Variants in NLRP10 observed in about 807,000 individuals in gnomAD.
NLRP10 encodes NLR family pyrin domain containing 10.
A neutral mutation model predicts 8.2 loss-of-function variants in NLRP10; 7 were observed. The observed-to-expected ratio is 0.85, with a 90% CI of 0.48 to 1.60. The LOEUF is 1.60. NLRP10 is among the 40% of genes most tolerant of loss of function. NLRP10 has a pLI of 0.00. For missense variants in NLRP10, 814 were observed against 776.3 expected (o/e 1.05, Z -0.58); for synonymous variants, 338 against 314.0 (o/e 1.08, Z -0.81).
chr11:7,959,638 T>G lies in NLRP10; in HGVS notation c.*6A>C, dbSNP rs754020476. The stretch of plus-strand genomic sequence containing the variant: ...TCATAGAGATCTTGTACATATTTAA[T>G]TAGGTTTATATGTAAGTATTTTTTG... On this transcript the variant is annotated 3_prime_UTR_variant, in exon 3 of 3. Transcript: ENST00000691676. 1.5e-5 allele frequency: 21 copies of G among 1,376,174 alleles called. No individual in the cohort carries two copies. Among genetic ancestry groups the G allele is most frequent in the Non-Finnish European group, 8.0e-6 (8 of 999,102 alleles). The allele number at this position is 1,376,174 out of a possible 1,614,324, so 85.2% of individuals were successfully genotyped here.
In NLRP10 at chr11:7,961,309, T is replaced by A; in HGVS notation, c.303A>T (p.Val101=). The change falls in exon 3 of 3, where the codon GTA becomes GTT. Residue 101 remains valine, a synonymous_variant. Coordinates refer to ENST00000691676, the MANE Select transcript of NLRP10 (RefSeq NM_001391958.1). The stretch of plus-strand genomic sequence containing the variant: ...CTAGGCAGCGCACATGCTCTCGGTA[T>A]ACTTCTCTGTAATCTGAGCCAAACA... ...SHICLHDYRE[V]YREHVRCLEE... 6.4e-7 allele frequency: 1 copy of A among 1,561,986 alleles called. No individual in the cohort carries two copies. Among genetic ancestry groups the A allele is most frequent in the Non-Finnish European group, 8.7e-7 (1 of 1,153,062 alleles).
intron 2 of NLRP10, 47 bp downstream of exon 2, chr11:7,963,160 G>T (rs116024859): frequency 3.2e-6 from 5 of 1,562,548 alleles, no homozygotes; most frequent in South Asian, 1.2e-5. Flanking sequence ...GGTGGGAGGG[G>T]AGTCCCAGTG....
In NLRP10 at chr11:7,961,224, G is replaced by T. The variant is rs1295751833; in HGVS notation, c.388C>A (p.Pro130Thr). 2.5e-6 allele frequency: 4 copies of T among 1,613,434 alleles called. No homozygotes were observed. The highest frequency in any genetic ancestry group is 2.5e-6 in the Non-Finnish European group (3 of 1,179,742). ...AGTGATTCTGGGCTCTCTGAGCTGG[G>T]CTTGGCCACCAGGAGCACCTGGTTG... ...RYNQVLLVAK[P>T]SSESPESLAC... is the part of the protein sequence containing the mutation. The change falls in exon 3 of 3, where the codon CCC (proline) becomes ACC (threonine). Residue 130 changes from proline (P) to threonine (T), a missense_variant. Coordinates refer to ENST00000691676, the MANE Select transcript of NLRP10 (RefSeq NM_001391958.1).
rs760551628 is a variant in NLRP10, at chr11:7,959,909, T to C, written c.1703A>G (p.Tyr568Cys). 13 of 1,614,022 alleles carry C rather than the reference T, an allele frequency of 8.1e-6. No individual in the cohort carries two copies. Among genetic ancestry groups the C allele is most frequent in the African/African-American group, 2.7e-5 (2 of 74,936 alleles). Residue 568 changes from tyrosine to cysteine, a missense_variant, in exon 3 of 3, where the codon TAT (tyrosine) becomes TGT (cysteine). Coordinates refer to ENST00000691676, the MANE Select transcript of NLRP10 (RefSeq NM_001391958.1). ...TACCAGATTCTTTATTTTAGCTTCA[T>C]ACAGGGAGAATTCCAAATCCCAGGT... Reference protein sequence around the residue: ...NRTWDLEFSLYEAKIKNLVKG... With the variant: ...NRTWDLEFSLCEAKIKNLVKG...
At chr11:7,963,706 CT>C in intron 1 of NLRP10, 166 bp from the exon 2 acceptor site, 1 of 579,652 alleles carries the variant, frequency 1.7e-6, no homozygotes, top group Middle Eastern at 4.5e-4. Flanking sequence ...AGTCATTCCC[CT>C]CTGCCTCTTA....
chr11:7,959,675 G>C lies in NLRP10; in HGVS notation c.1937C>G (p.Thr646Arg). The C allele has an allele frequency of 1.9e-6, 3 of 1,583,396 alleles. No individual in the cohort carries two copies. Among genetic ancestry groups the C allele is most frequent in the Non-Finnish European group, 2.6e-6 (3 of 1,170,502 alleles). ...GTAAGTATTTTTTGGTGTTTCCTCT[G>C]TCCCTCTGCCTTTTCCAGTAGAAGC... Reference protein sequence around the residue: ...KEASTGKGRGTEETPKNTYI With the variant: ...KEASTGKGRGREETPKNTYI Residue 646 changes from threonine (T) to arginine (R), a missense_variant, in exon 3 of 3, where the codon ACA becomes AGA. By Grantham distance (71) the Thr-to-Arg change is moderately conservative. Coordinates refer to ENST00000691676, the MANE Select transcript of NLRP10 (RefSeq NM_001391958.1).
In NLRP10 at chr11:7,963,461, G is replaced by A; in HGVS notation, c.35C>T (p.Ala12Val). 6.2e-7 allele frequency: 1 copy of A among 1,613,508 alleles called. No individual in the cohort carries two copies. The highest frequency in any genetic ancestry group is 8.5e-7 in the Non-Finnish European group (1 of 1,179,634). ...AAGGTCACTCAAGGCCCAGAGCAAT[G>A]CCTCCCGGGGCTTTCTGGCCTTGGC... ...AMAKARKPRE[A>V]LLWALSDLEE... is the part of the protein sequence containing the mutation. Residue 12 changes from alanine to valine, a missense_variant, in exon 2 of 3, where the codon GCA becomes GTA. By Grantham distance (64) the Ala-to-Val change is moderately conservative. Coordinates refer to ENST00000691676, the MANE Select transcript of NLRP10 (RefSeq NM_001391958.1).
intron 2 of NLRP10, among the ~76,000 whole-genome samples, chr11:7,962,522 C>T (rs986402884): frequency 6.6e-6 from 1 of 152,008 alleles, no homozygotes; most frequent in Non-Finnish European, 1.5e-5. Context: ...AGGCGTGAGC[C>T]ACTGCGCCCA....
rs767164554 is a variant in NLRP10, at chr11:7,960,364, T to C, written c.1248A>G (p.Leu416=). 1.2e-6 allele frequency: 2 copies of C among 1,614,058 alleles called. No individual in the cohort carries two copies. Among genetic ancestry groups the C allele is most frequent in the South Asian group, 2.2e-5 (2 of 91,076 alleles). ...TCTGGTGCTGAATCCCTTCAGCTGC[T>C]AGGGAGCACAGACTCCTCAGGACCC... ...RHRVLRSLCS[L]AAEGIQHQRF... is the part of the protein sequence containing the mutation. The change falls in exon 3 of 3, where the codon CTA becomes CTG. Residue 416 remains leucine, a synonymous_variant. Transcript: ENST00000691676.
intron 1 of NLRP10, among the ~76,000 whole-genome samples, chr11:7,964,132 G>T (rs543214975): frequency 6.6e-6 from 1 of 152,170 alleles, no homozygotes; most frequent in Non-Finnish European, 1.5e-5. Context: ...ATACGGGCCC[G>T]GCTAGACTCG....
At chr11:7,962,384 C>T (rs571678453) in intron 2 of NLRP10, among the ~76,000 whole-genome samples, 17 of 151,896 alleles carry the variant, frequency 1.1e-4, no homozygotes, top group Admixed American at 8.5e-4. Context: ...CACAGGCGCA[C>T]GCCACCATGC....
chr11:7,958,352 G>A lies in NLRP10; in HGVS notation c.*1292C>T, dbSNP rs757845424. ...TGCATTCTGACCAGCAATGAATAAG[G>A]CTCCCACTACTCCACATCCTAACAA... On this transcript the variant is annotated 3_prime_UTR_variant, in exon 3 of 3. Coordinates refer to ENST00000691676, the MANE Select transcript of NLRP10 (RefSeq NM_001391958.1). Among the ~76,000 whole-genome samples the A allele has an allele frequency of 6.6e-6, 1 of 152,118 alleles. No individual in the cohort carries two copies. Among genetic ancestry groups the A allele is most frequent in the African/African-American group, 2.4e-5 (1 of 41,418 alleles).
In NLRP10 at chr11:7,960,491, A is replaced by T. The variant is rs1564877692; in HGVS notation, c.1121T>A (p.Val374Asp). 1 of 1,614,100 alleles carries T rather than the reference A, an allele frequency of 6.2e-7. No individual in the cohort carries two copies. Among genetic ancestry groups the T allele is most frequent in the African/African-American group, 1.3e-5 (1 of 74,990 alleles). Residue 374 changes from valine (V) to aspartate (D), a missense_variant, in exon 3 of 3, where the codon GTC becomes GAC. Transcript: ENST00000691676. ...AGTGCTGTTTCTAGGTGTCTCTAAG[A>T]CAACTTTGCCTCTCTCCATCTGCCC... is the stretch of plus-strand genomic sequence containing the variant. ...LQGQMERGKV[V>D]LETPRNSTDI... is the part of the protein sequence containing the mutation.
At position 7,958,738 on chromosome 11, in the gene NLRP10, C is replaced by T. The variant is rs566053857; in HGVS notation, c.*906G>A. 5.3e-5 allele frequency among the ~76,000 whole-genome samples: 8 copies of T among 152,244 alleles called. No individual in the cohort carries two copies. Among genetic ancestry groups the T allele is most frequent in the African/African-American group, 1.9e-4 (8 of 41,540 alleles). ...CTAACTTTCGTATTTTTAGTAAAGA[C>T]GGGGTTTCACCACATTGGCCAGGAT... On this transcript the variant is annotated 3_prime_UTR_variant, in exon 3 of 3. Transcript: ENST00000691676.
Position 7,960,099 on chromosome 11 carries a change from C to T in NLRP10, c.1513G>A (p.Glu505Lys), listed in dbSNP as rs1160746967. Residue 505 changes from glutamate (E) to lysine (K), a missense_variant, in exon 3 of 3, where the codon GAA becomes AAA. Transcript: ENST00000691676. ...VQRLLEVKEQ[E>K]GNDEMTLTMQ... Reference sequence around the variant, plus strand: ...GTGAGGGTCATCTCATCATTCCCTTCCTGCTCCTTTACCTCCAGCAGCCTT... The same window carrying T: ...GTGAGGGTCATCTCATCATTCCCTTTCTGCTCCTTTACCTCCAGCAGCCTT... The T allele has an allele frequency of 1.2e-6, 2 of 1,614,144 alleles. No homozygotes were observed. The highest frequency in any genetic ancestry group is 2.7e-5 in the African/African-American group (2 of 75,022).
Position 7,960,773 on chromosome 11 carries a change from C to T in NLRP10, c.839G>A (p.Arg280Lys), listed in dbSNP as rs1941706324. 6.2e-7 allele frequency: 1 copy of T among 1,613,968 alleles called. No individual in the cohort carries two copies. Among genetic ancestry groups the T allele is most frequent in the Non-Finnish European group, 8.5e-7 (1 of 1,180,032 alleles). ...KESLLHLLIRRHTLPTCSLLI... is the reference protein window; with the variant it reads ...KESLLHLLIRKHTLPTCSLLI... ...AAGGGAGCACGTGGGGAGTGTATGT[C>T]TCCTAATTAGAAGGTGCAGCAGGCT... Residue 280 changes from arginine (R) to lysine (K), a missense_variant, in exon 3 of 3, where the codon AGA becomes AAA. Transcript: ENST00000691676.
rs1459200710 is a variant in NLRP10, at chr11:7,960,950, T to C, written c.662A>G (p.Gln221Arg). 6.2e-7 allele frequency: 1 copy of C among 1,614,106 alleles called. No homozygotes were observed. Among genetic ancestry groups the C allele is most frequent in the Non-Finnish European group, 8.5e-7 (1 of 1,180,040 alleles). The change falls in exon 3 of 3, where the codon CAG becomes CGG. Residue 221 changes from glutamine (Q) to arginine (R), a missense_variant. Transcript: ENST00000691676. The part of the protein sequence containing the change: ...VVLLLESKLE[Q>R]LLFWCCGDNQ... ...GTCCCCGCAGCACCAGAAAAGGAGC[T>C]GCTCCAGTTTGCTCTCCAGCAGCAG... is the stretch of plus-strand genomic sequence containing the variant.
At chr11:7,961,461 T>C in intron 2 of NLRP10, 139 bp from the exon 3 acceptor site, 2 of 635,638 alleles carry the variant, frequency 3.1e-6, no homozygotes, top group Non-Finnish European at 5.5e-6. Context: ...TCTGGCTTCA[T>C]GGGGAGGGGC....
intron 1 of NLRP10, among the ~76,000 whole-genome samples, chr11:7,964,755 A>G (rs993580168): frequency 6.6e-6 from 1 of 152,250 alleles, no homozygotes; most frequent in Non-Finnish European, 1.5e-5. Flanking sequence ...AGTAACGGGA[A>G]AGGAGAGCAG....
Sources: allele counts gnomAD v4.1 joint callset (sites outside exome capture counted in the v4.1 genomes callset), GRCh38; gene constraint gnomAD v4.1.1; transcripts MANE v1.5; gene names NCBI Gene and HGNC (gene_info 2026-07-23, HGNC 2026-07-21).